Variants in PPM1A observed in about 807,000 individuals in gnomAD.
The protein encoded by PPM1A is protein phosphatase, Mg2+/Mn2+ dependent 1A.
Under a neutral mutation model 35.0 loss-of-function variants are expected in PPM1A, and 7 were observed. The observed-to-expected ratio is 0.20, with a 90% CI of 0.11 to 0.38. The LOEUF (loss-of-function observed/expected upper bound fraction) is 0.38. PPM1A is among the 10% of genes least tolerant of loss of function. PPM1A has a pLI of 1.00. For missense variants in PPM1A, 239 were observed against 467.8 expected (o/e 0.51, Z 4.51); for synonymous variants, 153 against 167.3 (o/e 0.91, Z 0.66).
intron 1 of PPM1A, among the ~76,000 whole-genome samples, chr14:60,280,541 G>A (rs929204084): frequency 2.0e-5 from 3 of 152,142 alleles, no homozygotes; most frequent in Admixed American, 1.3e-4. Flanking sequence ...TTTCACTCAC[G>A]TCTCTTTTTT....
Position 60,268,315 on chromosome 14 carries a change from C to G in PPM1A, c.-20-14369C>G, listed in dbSNP as rs1002174076. 8.1e-6 allele frequency: 8 copies of G among 982,686 alleles called. No homozygotes were observed. In the Admixed American group the frequency reaches 5.0e-4, roughly 61 times the overall value. The allele number at this position is 982,686 out of a possible 1,614,324, so 60.9% of individuals were successfully genotyped here. ...CAGGTTTCTGGTCTTCACTCTAGCA[C>G]TAATTGAAAAAAAAAAAATTTGTTT... is the stretch of plus-strand genomic sequence containing the variant. On this transcript the variant is annotated intron_variant, in intron 1 of 5. Transcript: ENST00000395076.
rs1274416025 is a variant in PPM1A, at chr14:60,285,745, G to C, written c.952+4G>C. On this transcript the variant is annotated splice_donor_region_variant and intron_variant, in intron 3 of 5. Transcript: ENST00000395076. Reference sequence around the variant, plus strand: ...TACCTGGAATGCAGAGTAGAAGGTGGATCATTTAACAAAAAATAAGTAGCT... The same window carrying C: ...TACCTGGAATGCAGAGTAGAAGGTGCATCATTTAACAAAAAATAAGTAGCT... 3.1e-6 allele frequency: 5 copies of C among 1,606,696 alleles called. No homozygotes were observed. The highest frequency in any genetic ancestry group is 4.2e-6 in the Non-Finnish European group (5 of 1,177,306).
chr14:60,276,331 A>G (rs1195570112), intron 1 of PPM1A, among the ~76,000 whole-genome samples: 6 of 151,878 alleles, frequency 4.0e-5, no homozygotes, highest in African/African-American at 1.2e-4. Context: ...GTCTCTCACT[A>G]TATATTTTTT....
At chr14:60,264,358 C>A (rs915389909) in intron 1 of PPM1A, among the ~76,000 whole-genome samples, 1 of 151,570 alleles carries the variant, frequency 6.6e-6, no homozygotes, top group East Asian at 1.9e-4. Context: ...TAAAAGATTT[C>A]TTTTCTTTAT....
At chr14:60,259,761 TTG>T (rs1883537422) in intron 1 of PPM1A, among the ~76,000 whole-genome samples, 1 of 152,106 alleles carries the variant, frequency 6.6e-6, no homozygotes, top group African/African-American at 2.4e-5. Context: ...TGTACTATAA[TTG>T]TAGTGAAAAT....
chr14:60,255,681 C>A (rs1039152590), intron 1 of PPM1A, among the ~76,000 whole-genome samples: 1 of 152,166 alleles, frequency 6.6e-6, no homozygotes, highest in Non-Finnish European at 1.5e-5. Context: ...GAAGTAGTTA[C>A]AAGCTTTATC....
chr14:60,279,108 A>G (rs1886090444), intron 1 of PPM1A, among the ~76,000 whole-genome samples: 1 of 151,648 alleles, frequency 6.6e-6, no homozygotes, highest in South Asian at 2.1e-4. Flanking sequence ...CCTGGGATGC[A>G]CTCTATTTTG....
At chr14:60,270,139 G>A (rs189961813) in intron 1 of PPM1A, among the ~76,000 whole-genome samples, 21 of 152,102 alleles carry the variant, frequency 1.4e-4, no homozygotes, top group Non-Finnish European at 1.8e-4. Context: ...TTGCATACTG[G>A]ATGATTTTTG....
chr14:60,284,719 A>G (rs1255824379), intron 2 of PPM1A, among the ~76,000 whole-genome samples: 1 of 143,932 alleles, frequency 6.9e-6, no homozygotes, highest in East Asian at 1.9e-4. Flanking sequence ...ATATATATAT[A>G]TACATATATA....
Position 60,291,326 on chromosome 14 carries a change from A to G in PPM1A, c.1062-71A>G, listed in dbSNP as rs903308614. The G allele has an allele frequency of 3.5e-5, 37 of 1,060,346 alleles. No homozygotes were observed. In the African/African-American group the frequency reaches 5.7e-4, roughly 16 times the overall value. 65.7% of individuals were successfully genotyped at this position (1,060,346 alleles called of 1,614,324 possible). On this transcript the variant is annotated intron_variant, in intron 4 of 5. Coordinates refer to ENST00000395076, the MANE Select transcript of PPM1A (RefSeq NM_021003.5). The stretch of plus-strand genomic sequence containing the variant: ...GATTATCTTAGAAATTTTAATAAAC[A>G]CCTGGCTATGAGTTACTAAGCAATG...
At chr14:60,278,670 T>G (rs1886044342) in intron 1 of PPM1A, among the ~76,000 whole-genome samples, 1 of 152,228 alleles carries the variant, frequency 6.6e-6, no homozygotes, top group Non-Finnish European at 1.5e-5. Flanking sequence ...AAAAAGTCCC[T>G]GCTCTCATGG....
Position 60,289,871 on chromosome 14 carries a change from G to A in PPM1A, c.1018G>A (p.Glu340Lys). ...CCATGTGATGCGCACATTAGCGAGT[G>A]AGAACATCCCCAGCCTCCCACCAGG... Reference protein sequence around the residue: ...LVHVMRTLASENIPSLPPGGE... With the variant: ...LVHVMRTLASKNIPSLPPGGE... Residue 340 changes from glutamate to lysine, a missense_variant, in exon 4 of 6, where the codon GAG (glutamate) becomes AAG (lysine). Glu to Lys is a moderately conservative substitution (Grantham distance 56, BLOSUM62 1). Around this residue, in one of 2 missense-constraint regions of PPM1A, gnomAD observed 64 missense variants for 78.6 expected, o/e 0.81. Coordinates refer to ENST00000395076, the MANE Select transcript of PPM1A (RefSeq NM_021003.5). The surrounding 1 kb of genome is among the most constrained non-coding windows in gnomAD (Gnocchi z 4.1). 6.3e-7 allele frequency: 1 copy of A among 1,594,206 alleles called. No homozygotes were observed. Among genetic ancestry groups the A allele is most frequent in the Non-Finnish European group, 8.5e-7 (1 of 1,174,276 alleles).
intron 3 of PPM1A, chr14:60,287,653 T>G (rs965340859): frequency 1.0e-6 from 1 of 985,258 alleles, no homozygotes; most frequent in African/African-American, 1.7e-5. Flanking sequence ...TTGGCTTCTC[T>G]GTCCACACCA....
At chr14:60,284,517 C>CT (rs1239898359) in intron 2 of PPM1A, among the ~76,000 whole-genome samples, 1 of 151,624 alleles carries the variant, frequency 6.6e-6, no homozygotes, top group East Asian at 1.9e-4. Flanking sequence ...TGGCGGGCGC[C>CT]TGTAGTCCCA....
At position 60,249,866 on chromosome 14, in the gene PPM1A, A is replaced by ACGGCGAGGGGTTAG. The variant is rs1263561380; in HGVS notation, c.-21+191_-21+192insGCGAGGGGTTAGCG. Among the ~76,000 whole-genome samples, 2 of 148,242 alleles carry ACGGCGAGGGGTTAG rather than the reference A, an allele frequency of 1.3e-5. No individual in the cohort carries two copies. Among genetic ancestry groups the ACGGCGAGGGGTTAG allele is most frequent in the Non-Finnish European group, 3.0e-5 (2 of 66,688 alleles). On this transcript the variant is annotated intron_variant, in intron 1 of 5. Coordinates refer to ENST00000395076, the MANE Select transcript of PPM1A (RefSeq NM_021003.5). This position sits in a 1 kb window ranked among gnomAD's most constrained non-coding sequence, Gnocchi z 4.5. ...CCGGGCGGCGGACGGCGAGGGGTTAACGCTCGGCGAGGGCGGTGGCGGGGA... is the reference window on the plus strand; with the variant it reads ...CCGGGCGGCGGACGGCGAGGGGTTAACGGCGAGGGGTTAGCGCTCGGCGAGGGCGGTGGCGGGGA...
intron 3 of PPM1A, chr14:60,288,337 G>C (rs1228465897): frequency 4.4e-5 from 43 of 969,634 alleles, no homozygotes; most frequent in Non-Finnish European, 5.3e-5. Context: ...TTTATCATCA[G>C]TGTTTATTTC....
intron 1 of PPM1A, among the ~76,000 whole-genome samples, chr14:60,252,044 A>G (rs920338068): frequency 2.0e-5 from 3 of 152,224 alleles, no homozygotes; most frequent in Non-Finnish European, 2.9e-5. Flanking sequence ...AATCTATAGC[A>G]ACATCATTTT....
rs572938424 is a variant in PPM1A at position 60,292,225 on chromosome 14, C to T, written c.1120-228C>T. On this transcript the variant is annotated intron_variant, in intron 5 of 5. Transcript: ENST00000395076. The surrounding 1 kb of genome is among the most constrained non-coding windows in gnomAD (Gnocchi z 4.2). ...CATTTGGACAGCCTCATCATAAAACCGCATTTCAAATATTTTCCAAAACAA... is the reference window on the plus strand; with the variant it reads ...CATTTGGACAGCCTCATCATAAAACTGCATTTCAAATATTTTCCAAAACAA... Among the ~76,000 whole-genome samples the T allele has an allele frequency of 9.2e-5, 14 of 152,014 alleles. No homozygotes were observed. The South Asian group carries it at 2.7e-3, about 29-fold the overall frequency.
chr14:60,293,468 CTG>C lies in PPM1A; in HGVS notation c.*988_*989del, dbSNP rs1887826013. The C allele has an allele frequency of 6.6e-6, 1 of 152,004 alleles. No homozygotes were observed. The highest frequency in any genetic ancestry group is 2.4e-5 in the African/African-American group (1 of 41,432). 9.4% of individuals were successfully genotyped at this position (152,004 alleles called of 1,614,324 possible). On this transcript the variant is annotated 3_prime_UTR_variant, in exon 6 of 6. Coordinates refer to ENST00000395076, the MANE Select transcript of PPM1A (RefSeq NM_021003.5). The surrounding 1 kb of genome is among the most constrained non-coding windows in gnomAD (Gnocchi z 4.0). ...GTTAGTCTCTTTTAATTGGACAACA[CTG>C]TCACTCAAGGCATAGATGAAACTTT...
Sources: allele counts gnomAD v4.1 joint callset (sites outside exome capture counted in the v4.1 genomes callset), GRCh38; gene constraint gnomAD v4.1.1; regional missense constraint gnomAD v4.1.1; non-coding constraint Gnocchi (gnomAD v3.1); transcripts MANE v1.5; gene names NCBI Gene and HGNC (gene_info 2026-07-23, HGNC 2026-07-21).